Variants in SH3BGR observed in about 807,000 individuals in gnomAD.
SH3BGR encodes the protein SH3 domain binding glutamate rich protein, also known as SH3 domain-binding glutamic acid-rich protein.
In SH3BGR, 29 loss-of-function variants were observed where a neutral mutation model predicts 24.5. The observed-to-expected ratio is 1.18, with a 90% CI of 0.88 to 1.61. SH3BGR has a LOEUF of 1.61. Among genes scored for constraint, SH3BGR ranks in the 40% most tolerant of loss-of-function variants. The pLI is 0.00. For missense variants in SH3BGR, 162 were observed against 205.8 expected (o/e 0.79, Z 1.30); for synonymous variants, 55 against 65.7 (o/e 0.84, Z 0.79).
At chr21:39,486,430 G>A (rs930905529) in intron 3 of SH3BGR, among the ~76,000 whole-genome samples, 2 of 152,114 alleles carry the variant, frequency 1.3e-5, no homozygotes, top group Admixed American at 6.5e-5. Context: ...CAAAAATCTT[G>A]ATGTAATTAT....
At chr21:39,493,427 G>A (rs1430480010) in intron 3 of SH3BGR, among the ~76,000 whole-genome samples, 1 of 152,148 alleles carries the variant, frequency 6.6e-6, no homozygotes, top group Non-Finnish European at 1.5e-5. Context: ...TTGGCTGTAA[G>A]TATTTGGTAT....
chr21:39,502,825 C>G (rs1004929876), intron 4 of SH3BGR, among the ~76,000 whole-genome samples: 1 of 152,220 alleles, frequency 6.6e-6, no homozygotes, highest in Non-Finnish European at 1.5e-5. Flanking sequence ...GCCTTCTGAC[C>G]GCGGACGCTG....
chr21:39,492,105 G>C (rs1450045388), intron 3 of SH3BGR, among the ~76,000 whole-genome samples: 1 of 152,056 alleles, frequency 6.6e-6, no homozygotes, highest in Non-Finnish European at 1.5e-5. Context: ...ATTTCCATAG[G>C]TTTTTGGGGG....
chr21:39,504,360 TCTGAGG>T (rs1209245187), intron 4 of SH3BGR, among the ~76,000 whole-genome samples: 1 of 152,196 alleles, frequency 6.6e-6, no homozygotes, highest in Non-Finnish European at 1.5e-5. Context: ...CTCTAGCCGC[TCTGAGG>T]CTGGCTGCCC....
intron 1 of SH3BGR, among the ~76,000 whole-genome samples, chr21:39,460,996 A>C (rs1221452897): frequency 6.6e-6 from 1 of 151,934 alleles, no homozygotes; most frequent in East Asian, 1.9e-4. Context: ...TTGTCTTCCC[A>C]ATTCTGACTT....
rs572997126 is a variant in SH3BGR, at chr21:39,476,217, C to T, written c.312+1002C>T. Among the ~76,000 whole-genome samples, 6 of 152,118 alleles carry T rather than the reference C, an allele frequency of 3.9e-5. No homozygotes were observed. In the East Asian group the frequency reaches 5.8e-4, roughly 15 times the overall value. ...AGGGAAGGCAGGAGGAGACCAGGAG[C>T]GTGTGGCGTCATGGAAGCCCAGGAG... On this transcript the variant is annotated intron_variant, in intron 3 of 6. Coordinates refer to ENST00000333634, the MANE Select transcript of SH3BGR (RefSeq NM_007341.3).
At chr21:39,485,298 A>G (rs573449983) in intron 3 of SH3BGR, among the ~76,000 whole-genome samples, 5 of 152,220 alleles carry the variant, frequency 3.3e-5, no homozygotes, top group Non-Finnish European at 7.3e-5. Context: ...CAAAAAATAT[A>G]TATGTATTCT....
chr21:39,511,663 A>C lies in SH3BGR; in HGVS notation c.436-17A>C. On this transcript the variant is annotated splice_polypyrimidine_tract_variant and intron_variant, in intron 5 of 6. Transcript: ENST00000333634. The surrounding 1 kb of genome is among the most constrained non-coding windows in gnomAD (Gnocchi z 4.2). Reference sequence around the variant, plus strand: ...CCTTATGCTTCTTAATACTAATGTAAGTTTTGTTAAAATAAGACGGAAGAA... The same window carrying C: ...CCTTATGCTTCTTAATACTAATGTACGTTTTGTTAAAATAAGACGGAAGAA... The C allele has an allele frequency of 6.2e-7, 1 of 1,607,448 alleles. No individual in the cohort carries two copies. Among genetic ancestry groups the C allele is most frequent in the Admixed American group, 1.7e-5 (1 of 58,458 alleles).
chr21:39,503,090 C>T (rs572883025), intron 4 of SH3BGR, among the ~76,000 whole-genome samples: 69 of 151,714 alleles, frequency 4.5e-4, no homozygotes, highest in African/African-American at 1.6e-3. Flanking sequence ...AAAGCCAGAA[C>T]AAATAGGTCG....
chr21:39,469,143 G>A lies in SH3BGR; in HGVS notation c.232-5992G>A, dbSNP rs372499429. 6.7e-4 allele frequency among the ~76,000 whole-genome samples: 101 copies of A among 151,462 alleles called. 1 individual carries two copies. The South Asian group carries it at 0.021, about 31-fold the overall frequency. ...TCTAGTATAACATTTTTTTTCAAAA[G>A]TAAGAGGAAGGTACAGAAATTTCCC... On this transcript the variant is annotated intron_variant, in intron 2 of 6. Transcript: ENST00000333634.
In SH3BGR at chr21:39,509,022, G is replaced by C. The variant is rs1318273386; in HGVS notation, c.430G>C (p.Glu144Gln). 1 of 1,609,394 alleles carries C rather than the reference G, an allele frequency of 6.2e-7. No homozygotes were observed. The highest frequency in any genetic ancestry group is 1.7e-5 in the Admixed American group (1 of 59,570). Residue 144 changes from glutamate (E) to glutamine (Q), a missense_variant, in exon 5 of 7, where the codon GAA becomes CAA. By Grantham distance (29) the Glu-to-Gln change is conservative (BLOSUM62 2). Transcript: ENST00000333634. ...GGAAGAAGAAGGAGAGACAGCCACA[G>C]AAGAGGTACGGTCGACCATCTTTAA... Reference protein sequence around the residue: ...KNEEEGETATEETEEIAMEGA... With the variant: ...KNEEEGETATQETEEIAMEGA...
At chr21:39,453,970 A>G (rs2077615141) in intron 1 of SH3BGR, among the ~76,000 whole-genome samples, 1 of 152,226 alleles carries the variant, frequency 6.6e-6, no homozygotes, top group Non-Finnish European at 1.5e-5. Context: ...TAGTTAATGA[A>G]TATTAATTAG....
At chr21:39,498,633 C>T (rs1402811319) in intron 3 of SH3BGR, among the ~76,000 whole-genome samples, 3 of 152,186 alleles carry the variant, frequency 2.0e-5, no homozygotes, top group African/African-American at 7.2e-5. Flanking sequence ...AAGGAAGCAT[C>T]GTCCCTTCCC....
At chr21:39,451,353 C>T (rs556440963), upstream of SH3BGR, among the ~76,000 whole-genome samples, 20 of 152,246 alleles carry the variant, frequency 1.3e-4, no homozygotes, top group African/African-American at 2.6e-4. Context: ...GAGAAGCCAG[C>T]GGCTATTTCC....
rs1023173817 is a variant in SH3BGR at position 39,511,912 on chromosome 21, G to A, written c.*34+103G>A. The A allele has an allele frequency of 1.5e-4, 172 of 1,110,392 alleles. No individual in the cohort carries two copies. The highest frequency in any genetic ancestry group is 2.0e-4 in the Non-Finnish European group (163 of 807,842). 68.8% of individuals were successfully genotyped at this position (1,110,392 alleles called of 1,614,324 possible). A position where few individuals can be genotyped will look rare whatever the true frequency, so the allele number is the denominator to read the frequency against. On this transcript the variant is annotated intron_variant, in intron 6 of 6. Transcript: ENST00000333634. This position sits in a 1 kb window ranked among gnomAD's most constrained non-coding sequence, Gnocchi z 4.2. Reference sequence around the variant, plus strand: ...CAGGAGAAAGGGAATTCCAATTCAGGGCTGTCTGTCTCCTTCCAAAGCCCT... The same window carrying A: ...CAGGAGAAAGGGAATTCCAATTCAGAGCTGTCTGTCTCCTTCCAAAGCCCT...
At position 39,511,901 on chromosome 21, in the gene SH3BGR, T is replaced by C. The variant is rs1294675302; in HGVS notation, c.*34+92T>C. ...TTGCTTAGTAACAGGAGAAAGGGAA[T>C]TCCAATTCAGGGCTGTCTGTCTCCT... On this transcript the variant is annotated intron_variant, in intron 6 of 6. Coordinates refer to ENST00000333634, the MANE Select transcript of SH3BGR (RefSeq NM_007341.3). This position sits in a 1 kb window ranked among gnomAD's most constrained non-coding sequence, Gnocchi z 4.2. 8.2e-7 allele frequency: 1 copy of C among 1,219,892 alleles called. No individual in the cohort carries two copies. The highest frequency in any genetic ancestry group is 1.5e-5 in the African/African-American group (1 of 65,286). 75.6% of individuals were successfully genotyped at this position (1,219,892 alleles called of 1,614,324 possible). A position where few individuals can be genotyped will look rare whatever the true frequency, so the allele number is the denominator to read the frequency against.
intron 4 of SH3BGR, among the ~76,000 whole-genome samples, chr21:39,501,397 T>C (rs979792285): frequency 6.6e-5 from 10 of 152,360 alleles, no homozygotes; most frequent in African/African-American, 2.4e-4. Flanking sequence ...TTCTCTTTGC[T>C]ACTACATTTT....
chr21:39,447,530 A>G (rs1463642434), upstream of SH3BGR, among the ~76,000 whole-genome samples: 2 of 147,462 alleles, frequency 1.4e-5, no homozygotes, highest in East Asian at 4.0e-4. Flanking sequence ...ATTCTCCTGC[A>G]TCAGCCTCCT....
At chr21:39,464,071 G>A (rs2077799894) in intron 2 of SH3BGR, among the ~76,000 whole-genome samples, 1 of 152,180 alleles carries the variant, frequency 6.6e-6, no homozygotes, top group Non-Finnish European at 1.5e-5. Context: ...AAGTGTCTCT[G>A]ATCTCTGCCC....
Sources: gnomAD v4.1 joint callset for allele counts (sites outside exome capture counted in the v4.1 genomes callset) on GRCh38, gnomAD v4.1.1 for gene constraint, Gnocchi (gnomAD v3.1) non-coding constraint, MANE v1.5 for transcripts, NCBI Gene and HGNC (gene_info 2026-07-23, HGNC 2026-07-21) for gene names.